Variants in C19orf81 observed in about 807,000 individuals in gnomAD.
C19orf81 encodes putative uncharacterized protein C19orf81.
C19orf81 carries 19 observed loss-of-function variants against 22.1 expected under a neutral mutation model. The observed-to-expected ratio is 0.86, with a 90% CI of 0.60 to 1.26. C19orf81 has a LOEUF of 1.26. C19orf81 is among the 50% of genes most tolerant of loss of function. The pLI is 0.00. For synonymous variants in C19orf81, 108 were observed against 113.1 expected, an observed-to-expected ratio of 0.95 and a Z score of 0.29; for missense variants, 287 against 280.7, an observed-to-expected ratio of 1.02 and a Z score of -0.16.
chr19:50,658,410 A>C (rs1261888572), intron 4 of C19orf81: 9 of 393,056 alleles, frequency 2.3e-5, no homozygotes, highest in Non-Finnish European at 4.2e-5. Context: ...GAGGGACTAG[A>C]TAAGAGCGAG....
intron 1 of C19orf81, among the ~76,000 whole-genome samples, chr19:50,651,525 G>C (rs999602871): frequency 1.3e-5 from 2 of 151,938 alleles, no homozygotes; most frequent in African/African-American, 4.8e-5. Flanking sequence ...TTCATCTCTT[G>C]GTCCCCAGCA....
chr19:50,652,392 A>C (rs1984895792), intron 1 of C19orf81, among the ~76,000 whole-genome samples: 1 of 152,176 alleles, frequency 6.6e-6, no homozygotes. Flanking sequence ...GACAGAGTGT[A>C]ATTAGGGAAT....
At chr19:50,657,424 C>G (rs565137811) in intron 3 of C19orf81, among the ~76,000 whole-genome samples, 10 of 152,306 alleles carry the variant, frequency 6.6e-5, no homozygotes, top group African/African-American at 2.4e-4. Context: ...ATTTTATGTG[C>G]TATGACAACT....
intron 1 of C19orf81, among the ~76,000 whole-genome samples, chr19:50,651,106 C>T (rs1984869774): frequency 2.0e-5 from 3 of 152,194 alleles, no homozygotes; most frequent in African/African-American, 7.2e-5. Context: ...AAGCATTTTG[C>T]CTGTAGTGCC....
At chr19:50,658,265 C>A in intron 4 of C19orf81, 137 bp downstream of exon 4, 1 of 946,300 alleles carries the variant, frequency 1.1e-6, no homozygotes, top group Non-Finnish European at 1.5e-6. Flanking sequence ...GGGCCCGGGG[C>A]GACTAGATAA....
At chr19:50,650,593 C>T (rs967254990) in intron 1 of C19orf81, among the ~76,000 whole-genome samples, 13 of 152,144 alleles carry the variant, frequency 8.5e-5, no homozygotes, top group African/African-American at 1.4e-4. Context: ...ATCGCTTGAA[C>T]CCAGGAGGCA....
chr19:50,655,539 C>G (rs540971194), intron 1 of C19orf81, among the ~76,000 whole-genome samples: 15 of 152,114 alleles, frequency 9.9e-5, no homozygotes, highest in African/African-American at 3.4e-4. Context: ...GTCTCAGCTA[C>G]TCGGGAGGCT....
chr19:50,653,018 G>T (rs564466428), intron 1 of C19orf81, among the ~76,000 whole-genome samples: 6 of 152,272 alleles, frequency 3.9e-5, no homozygotes, highest in African/African-American at 1.2e-4. Flanking sequence ...AGGATGCAAT[G>T]GAAAGTATTT....
rs1282331650 is a variant in C19orf81 at position 50,656,286 on chromosome 19, C to T, written c.201C>T (p.Cys67=). 3.9e-6 allele frequency: 6 copies of T among 1,536,184 alleles called. No homozygotes were observed. The East Asian group carries it at 1.2e-4, about 31-fold the overall frequency. The change falls in exon 3 of 5, where the codon TGC becomes TGT. Residue 67 remains cysteine, a synonymous_variant. Coordinates refer to ENST00000425202, the MANE Select transcript of C19orf81 (RefSeq NM_001195076.2). The part of the protein sequence containing the change: ...EYEALDRELP[C]IRKFPTPPAS... ...AGGCACTGGACCGAGAACTCCCGTG[C>T]ATCCGGAAGTTCCCCACACCACCAG... is the stretch of plus-strand genomic sequence containing the variant.
At chr19:50,649,916 C>A in intron 1 of C19orf81, 1 of 446,880 alleles carries the variant, frequency 2.2e-6, no homozygotes, top group Non-Finnish European at 4.5e-6. Flanking sequence ...TGGTGCCATC[C>A]TTCCACCTCC....
In C19orf81 at chr19:50,656,078, A is replaced by T; in HGVS notation, c.96A>T (p.Pro32=). The change falls in exon 2 of 5, where the codon CCA becomes CCT. Residue 32 remains proline, a synonymous_variant. Coordinates refer to ENST00000425202, the MANE Select transcript of C19orf81 (RefSeq NM_001195076.2). ...AGALLMDLET[P]EEMQARSLGR... is the part of the protein sequence containing the mutation. ...CCCTCCTTATGGACCTGGAGACCCC[A>T]GAGGAGATGCAGGCTCGGAGCCTGG... The T allele has an allele frequency of 6.5e-7, 1 of 1,536,140 alleles. No individual in the cohort carries two copies. The highest frequency in any genetic ancestry group is 8.7e-7 in the Non-Finnish European group (1 of 1,146,910).
chr19:50,649,658 T>G, intron 1 of C19orf81, 147 bp downstream of exon 1: 1 of 917,428 alleles, frequency 1.1e-6, no homozygotes, highest in Non-Finnish European at 1.7e-6. Flanking sequence ...ACCAGATTCC[T>G]GGAGAGCGGC....
intron 1 of C19orf81, among the ~76,000 whole-genome samples, chr19:50,654,599 GTCCC>G (rs199699368): frequency 6.8e-6 from 1 of 147,570 alleles, no homozygotes; most frequent in Non-Finnish European, 1.5e-5. Context: ...ACCAGGCTCC[GTCCC>G]TCCCTCCCTC....
rs1210579849 is a variant in C19orf81, at chr19:50,659,008, C to T, written c.463C>T (p.Pro155Ser). 3 of 1,528,932 alleles carry T rather than the reference C, an allele frequency of 2.0e-6. No individual in the cohort carries two copies. The highest frequency in any genetic ancestry group is 2.6e-6 in the Non-Finnish European group (3 of 1,142,898). 94.7% of individuals were successfully genotyped at this position (1,528,932 alleles called of 1,614,324 possible). Residue 155 changes from proline to serine, a missense_variant, in exon 5 of 5, where the codon CCC becomes TCC. By Grantham distance (74) the Pro-to-Ser change is moderately conservative. Coordinates refer to ENST00000425202, the MANE Select transcript of C19orf81 (RefSeq NM_001195076.2). ...RSRLLRSGLS[P>S]RGLAHQIVRH... ...GCGCTTGCTGCGCTCCGGGCTCAGT[C>T]CCCGCGGGCTTGCGCACCAGATCGT...
intron 1 of C19orf81, among the ~76,000 whole-genome samples, chr19:50,650,096 C>G (rs975862764): frequency 3.3e-5 from 5 of 152,186 alleles, no homozygotes; most frequent in African/African-American, 7.2e-5. Context: ...CTACCTATCC[C>G]TCCATGGCTC....
intron 1 of C19orf81, among the ~76,000 whole-genome samples, chr19:50,655,298 T>C (rs1391563808): frequency 1.3e-5 from 2 of 152,126 alleles, no homozygotes; most frequent in African/African-American, 2.4e-5. Context: ...AGGGTCCATA[T>C]TTGAGAACTG....
chr19:50,649,456 G>A lies in C19orf81; in HGVS notation c.12G>A (p.Glu4=), dbSNP rs1464237418. 3 of 1,536,102 alleles carry A rather than the reference G, an allele frequency of 2.0e-6. No individual in the cohort carries two copies. The highest frequency in any genetic ancestry group is 1.7e-6 in the Non-Finnish European group (2 of 1,146,874). Residue 4 remains glutamate (E), a synonymous_variant, in exon 1 of 5, where the codon GAG becomes GAA. Transcript: ENST00000425202. The stretch of plus-strand genomic sequence containing the variant: ...CCCACCTTCCCAGGATGCAGCCAGA[G>A]GTGGAGCCCGTGTGCTTCCCTGCCA... MQP[E]VEPVCFPAMG...
At chr19:50,652,708 C>A (rs1984902711) in intron 1 of C19orf81, among the ~76,000 whole-genome samples, 1 of 152,112 alleles carries the variant, frequency 6.6e-6, no homozygotes, top group South Asian at 2.1e-4. Context: ...CTTTATTCAT[C>A]CCACAGACAA....
chr19:50,659,145 C>T lies in C19orf81; in HGVS notation c.*3C>T, dbSNP rs757271658. ...CGGAGCCGAACGAGGAGGCCTGACGCCCGGGCGGGCCCCGGCAGCGCTTGC... is the reference window on the plus strand; with the variant it reads ...CGGAGCCGAACGAGGAGGCCTGACGTCCGGGCGGGCCCCGGCAGCGCTTGC... On this transcript the variant is annotated 3_prime_UTR_variant, in exon 5 of 5. Coordinates refer to ENST00000425202, the MANE Select transcript of C19orf81 (RefSeq NM_001195076.2). 7.5e-7 allele frequency: 1 copy of T among 1,327,398 alleles called. No homozygotes were observed. The highest frequency in any genetic ancestry group is 2.0e-5 in the South Asian group (1 of 51,254). The allele number at this position is 1,327,398 out of a possible 1,614,324, so 82.2% of individuals were successfully genotyped here. A position where few individuals can be genotyped will look rare whatever the true frequency, so the allele number is the denominator to read the frequency against.
Sources: gnomAD v4.1 joint callset for allele counts (sites outside exome capture counted in the v4.1 genomes callset) on GRCh38, gnomAD v4.1.1 for gene constraint, MANE v1.5 for transcripts, NCBI Gene and HGNC (gene_info 2026-07-23, HGNC 2026-07-21) for gene names.